The following PSMA6 variants were observed in gnomAD, a reference collection of about 807,000 sequenced individuals.
The protein encoded by PSMA6 is proteasome 20S subunit alpha 6.
For missense variants in PSMA6, 170 were observed against 294.8 expected (o/e 0.58, Z 3.10); for synonymous variants, 88 against 97.7 (o/e 0.90, Z 0.59).
At chr14:35,292,609 C>T in intron 1 of PSMA6, 57 bp downstream of exon 1, 1 of 1,588,312 alleles carries the variant, frequency 6.3e-7, no homozygotes, top group Non-Finnish European at 8.6e-7. Context: ...TGGTACGTGC[C>T]TGGAGCGAGC....
chr14:35,306,819 C>CT (rs2051835371), intron 1 of PSMA6, among the ~76,000 whole-genome samples: 1 of 152,134 alleles, frequency 6.6e-6, no homozygotes, highest in South Asian at 2.1e-4. Context: ...TTGACAGCAG[C>CT]TAGAAGTGCA....
intron 1 of PSMA6, among the ~76,000 whole-genome samples, chr14:35,294,905 A>G (rs192341883): frequency 6.6e-6 from 1 of 152,304 alleles, no homozygotes; most frequent in African/African-American, 2.4e-5. Flanking sequence ...GACAGTAGGA[A>G]AATAATATTT....
At chr14:35,279,108 C>T (rs1200641959) in intron 1 of PSMA6, among the ~76,000 whole-genome samples, 1 of 152,058 alleles carries the variant, frequency 6.6e-6, no homozygotes, top group African/African-American at 2.4e-5. Context: ...AGTGCAGTGG[C>T]GCGATCTCGG....
chr14:35,296,611 G>C (rs1436409653), intron 1 of PSMA6, among the ~76,000 whole-genome samples: 1 of 151,924 alleles, frequency 6.6e-6, no homozygotes, highest in Non-Finnish European at 1.5e-5. Context: ...TTACAAGCGT[G>C]AGCCACCATG....
chr14:35,288,513 A>G (rs1294669837), upstream of PSMA6, among the ~76,000 whole-genome samples: 1 of 151,706 alleles, frequency 6.6e-6, no homozygotes, highest in Non-Finnish European at 1.5e-5. Flanking sequence ...ATAAGCCAAA[A>G]ACAACAACAA....
chr14:35,313,613 T>G (rs2051985032), intron 5 of PSMA6: 1 of 152,228 alleles, frequency 6.6e-6, no homozygotes, highest in South Asian at 2.1e-4. Context: ...GGGCCCTGTC[T>G]AAATATTTCT....
At chr14:35,285,060 A>G (rs2051405546) in intron 1 of PSMA6, among the ~76,000 whole-genome samples, 2 of 152,182 alleles carry the variant, frequency 1.3e-5, no homozygotes, top group African/African-American at 4.8e-5. Flanking sequence ...GCAAGTAGAA[A>G]ATAAAACTGG....
At position 35,315,701 on chromosome 14, in the gene PSMA6, C is replaced by A. The variant is rs1479953009; in HGVS notation, c.683+1246C>A. 2 of 142,552 alleles carry A rather than the reference C, an allele frequency of 1.4e-5. 1 individual carries two copies. Among genetic ancestry groups the A allele is most frequent in the East Asian group, 3.9e-4 (2 of 5,120 alleles). 8.8% of individuals were successfully genotyped at this position (142,552 alleles called of 1,614,324 possible). ...GATCAAGTTGCTTTTGAAAAAGGTGCCTTTTTTTTTTTTAAGTAAAAATTT... is the reference window on the plus strand; with the variant it reads ...GATCAAGTTGCTTTTGAAAAAGGTGACTTTTTTTTTTTTAAGTAAAAATTT... On this transcript the variant is annotated intron_variant, in intron 6 of 6. Transcript: ENST00000261479.
At chr14:35,293,351 T>TG in intron 1 of PSMA6, 1 of 202,646 alleles carries the variant, frequency 4.9e-6, no homozygotes, top group Non-Finnish European at 1.0e-5. Flanking sequence ...AGTAATGTAT[T>TG]GCGCTGAAAC....
intron 1 of PSMA6, among the ~76,000 whole-genome samples, chr14:35,300,109 C>T (rs2051682137): frequency 6.6e-6 from 1 of 151,994 alleles, no homozygotes; most frequent in Non-Finnish European, 1.5e-5. Flanking sequence ...GTGTTTTGAA[C>T]AGAGCTAGCA....
At chr14:35,289,812 C>T (rs960027846), upstream of PSMA6, among the ~76,000 whole-genome samples, 1 of 150,398 alleles carries the variant, frequency 6.6e-6, no homozygotes, top group African/African-American at 2.5e-5. Context: ...AGTCCCAGCT[C>T]CTTGGGAGGC....
upstream of PSMA6, among the ~76,000 whole-genome samples, chr14:35,290,179 C>G (rs2138709191): frequency 6.6e-6 from 1 of 152,174 alleles, no homozygotes; most frequent in Middle Eastern, 3.4e-3. Context: ...AGAGAAGGGT[C>G]CAGCTAGAGA....
At chr14:35,308,153 G>A in intron 2 of PSMA6, 65 bp downstream of exon 2, 1 of 1,578,940 alleles carries the variant, frequency 6.3e-7, no homozygotes, top group East Asian at 2.4e-5. Context: ...CAAGTGCAGT[G>A]GCTCACACCT....
At chr14:35,293,663 T>C (rs985121785) in intron 1 of PSMA6, among the ~76,000 whole-genome samples, 5 of 152,254 alleles carry the variant, frequency 3.3e-5, no homozygotes, top group Non-Finnish European at 7.3e-5. Context: ...AAACATCTTG[T>C]TGGATAATTC....
intron 1 of PSMA6, among the ~76,000 whole-genome samples, chr14:35,302,412 CAT>C (rs1319654618): frequency 6.9e-6 from 1 of 145,074 alleles, no homozygotes; most frequent in African/African-American, 2.4e-5. Flanking sequence ...CTTATTATGT[CAT>C]AGTTTCTTTA....
rs1401441907 is a variant in PSMA6, at chr14:35,303,737, A to G, written c.77-4257A>G. Among the ~76,000 whole-genome samples the G allele has an allele frequency of 2.6e-5, 4 of 152,132 alleles. No homozygotes were observed. The East Asian group carries it at 7.7e-4, about 29-fold the overall frequency. The stretch of plus-strand genomic sequence containing the variant: ...TTCAACCCATATTCATGGGTTCATC[A>G]TCCATGGATTCAACCAGCTGCAGAT... On this transcript the variant is annotated intron_variant, in intron 1 of 6. Coordinates refer to ENST00000261479, the MANE Select transcript of PSMA6 (RefSeq NM_002791.3).
intron 1 of PSMA6, among the ~76,000 whole-genome samples, chr14:35,298,203 A>C (rs2051635849): frequency 6.6e-6 from 1 of 152,080 alleles, no homozygotes; most frequent in Admixed American, 6.6e-5. Context: ...AAAACTGGAA[A>C]ATGGGGCCGG....
In PSMA6 at chr14:35,314,353, T is replaced by C; in HGVS notation, c.589-8T>C. 6.3e-7 allele frequency: 1 copy of C among 1,598,250 alleles called. No homozygotes were observed. Among genetic ancestry groups the C allele is most frequent in the South Asian group, 1.1e-5 (1 of 88,416 alleles). ...TACTATATTTTAACATTAAATACTTTTTTTCAGACTGCAATTACATGCCTG... is the reference window on the plus strand; with the variant it reads ...TACTATATTTTAACATTAAATACTTCTTTTCAGACTGCAATTACATGCCTG... On this transcript the variant is annotated splice_polypyrimidine_tract_variant and splice_region_variant and intron_variant, in intron 5 of 6. Coordinates refer to ENST00000261479, the MANE Select transcript of PSMA6 (RefSeq NM_002791.3).
intron 1 of PSMA6, among the ~76,000 whole-genome samples, chr14:35,303,346 T>C (rs994694176): frequency 1.3e-5 from 2 of 152,154 alleles, no homozygotes; most frequent in African/African-American, 4.8e-5. Flanking sequence ...AGTGTTTATA[T>C]ATAGAAGTTG....
Sources: gnomAD v4.1 joint callset for allele counts (sites outside exome capture counted in the v4.1 genomes callset) on GRCh38, gnomAD v4.1.1 for gene constraint, MANE v1.5 for transcripts, NCBI Gene and HGNC (gene_info 2026-07-23, HGNC 2026-07-21) for gene names.